The following TCF4 variants were observed in gnomAD, a reference collection of about 807,000 sequenced individuals.
The protein encoded by TCF4 is SL3-3 enhancer factor 2.
TCF4 carries 3 observed loss-of-function variants against 82.1 expected under a neutral mutation model. The ratio of observed to expected loss-of-function variants is 0.04; its 90% CI spans 0.02 to 0.09. The LOEUF (loss-of-function observed/expected upper bound fraction) is 0.09. Among genes scored for constraint, TCF4 ranks in the 10% least tolerant of loss-of-function variants. The pLI is 1.00. For synonymous variants in TCF4, 276 were observed against 309.6 expected (o/e 0.89, Z 1.14); for missense variants, 518 against 852.7 (o/e 0.61, Z 4.89).
At chr18:55,480,905 A>G (rs148421571) in intron 3 of TCF4, among the ~76,000 whole-genome samples, 5,171 of 152,136 alleles carry the variant, frequency 0.034, 115 homozygotes, top group Non-Finnish European at 0.052. Context: ...GGAGTTTGAG[A>G]CCAGCCTAGG....
chr18:55,491,635 C>T (rs560234648), intron 3 of TCF4, among the ~76,000 whole-genome samples: 7 of 152,140 alleles, frequency 4.6e-5, no homozygotes, highest in Non-Finnish European at 7.3e-5. Context: ...TTTTCACATA[C>T]CGCGCTCACA....
chr18:55,502,209 T>G (rs551761351), intron 3 of TCF4, among the ~76,000 whole-genome samples: 26 of 152,314 alleles, frequency 1.7e-4, no homozygotes, highest in Admixed American at 1.2e-3. Context: ...TGTGGTCATT[T>G]TTCTTCATTA....
upstream of TCF4, chr18:55,588,602 G>A (rs1603624961): frequency 6.6e-7 from 1 of 1,506,726 alleles, no homozygotes; most frequent in Non-Finnish European, 8.9e-7. Flanking sequence ...TCTTACTCTC[G>A]TTCCCTCTCA....
intron 4 of TCF4, among the ~76,000 whole-genome samples, chr18:55,462,897 G>A (rs1256826627): frequency 6.6e-6 from 1 of 152,182 alleles, no homozygotes; most frequent in East Asian, 1.9e-4. Context: ...TAGAGATCCT[G>A]CTGTACCCTG....
At chr18:55,632,207 T>G (rs914871265) in intron 1 of TCF4, among the ~76,000 whole-genome samples, 1 of 152,042 alleles carries the variant, frequency 6.6e-6, no homozygotes, top group Non-Finnish European at 1.5e-5. Flanking sequence ...TCCTGCTAAT[T>G]TTTTGTATTT....
At chr18:55,514,457 C>A (rs1159012548) in intron 3 of TCF4, among the ~76,000 whole-genome samples, 1 of 150,810 alleles carries the variant, frequency 6.6e-6, no homozygotes, top group Non-Finnish European at 1.5e-5. Context: ...CCCAATCATA[C>A]CTACCACCAT....
intron 2 of TCF4, among the ~76,000 whole-genome samples, chr18:55,611,764 TTTTA>T (rs776042753): frequency 7.6e-4 from 115 of 152,198 alleles, no homozygotes; most frequent in Middle Eastern, 6.8e-3. Context: ...GTAAAAATAT[TTTTA>T]TTTATTTATT....
intron 8 of TCF4, among the ~76,000 whole-genome samples, chr18:55,324,395 G>A (rs915156733): frequency 2.0e-5 from 3 of 152,154 alleles, no homozygotes; most frequent in East Asian, 3.8e-4. Context: ...ACATTTCTGC[G>A]ATCTCAGCCT....
At chr18:55,263,373 TA>T (rs1176601148) in intron 11 of TCF4, among the ~76,000 whole-genome samples, 2 of 152,112 alleles carry the variant, frequency 1.3e-5, no homozygotes, top group African/African-American at 4.8e-5. Context: ...TCAAGAGTAT[TA>T]AAAATATTTA....
intron 6 of TCF4, among the ~76,000 whole-genome samples, chr18:55,382,489 G>GA (rs1329006060): frequency 4.0e-5 from 6 of 151,558 alleles, no homozygotes; most frequent in South Asian, 2.1e-4. Flanking sequence ...GTTGAAATGT[G>GA]AAAAAAAAGT....
chr18:55,324,651 T>G (rs573872407), intron 8 of TCF4, among the ~76,000 whole-genome samples: 1 of 152,232 alleles, frequency 6.6e-6, no homozygotes, highest in East Asian at 1.9e-4. Context: ...TTGCCAGCAG[T>G]AGGTAACTTG....
At chr18:55,252,380 G>GTA (rs980808364) in intron 15 of TCF4, among the ~76,000 whole-genome samples, 3 of 149,452 alleles carry the variant, frequency 2.0e-5, no homozygotes, top group South Asian at 2.1e-4. Flanking sequence ...GTGTGTGTGT[G>GTA]TATATCAAGA....
intron 8 of TCF4, 38 bp from the exon 9 acceptor site, chr18:55,279,694 T>G: frequency 1.2e-6 from 2 of 1,613,428 alleles, no homozygotes; most frequent in Non-Finnish European, 1.7e-6. Context: ...GCTTTTTGCA[T>G]TGACCACAGC....
intron 3 of TCF4, among the ~76,000 whole-genome samples, chr18:55,467,572 CCT>C (rs1363725706): frequency 6.6e-6 from 1 of 152,124 alleles, no homozygotes; most frequent in Non-Finnish European, 1.5e-5. Context: ...CCAACAGCAG[CCT>C]CTCTCACTCC....
At position 55,333,310 on chromosome 18, in the gene TCF4, T is replaced by C. The variant is rs368738578; in HGVS notation, c.549+17049A>G. Among the ~76,000 whole-genome samples, 7 of 152,244 alleles carry C rather than the reference T, an allele frequency of 4.6e-5. No homozygotes were observed. In the East Asian group the frequency reaches 1.4e-3, roughly 29 times the overall value. On this transcript the variant is annotated intron_variant, in intron 8 of 19. Coordinates refer to ENST00000354452, the MANE Select transcript of TCF4 (RefSeq NM_001083962.2). ...GTTGTCTGTAAAGATGCAAATATCA[T>C]TTCTTATTCTCCTTATATTCCTTTC...
At chr18:55,307,608 G>C (rs997366802) in intron 8 of TCF4, among the ~76,000 whole-genome samples, 2 of 152,192 alleles carry the variant, frequency 1.3e-5, no homozygotes, top group Admixed American at 6.5e-5. Flanking sequence ...TTTGTGAAAT[G>C]CAATAGTTAG....
upstream of TCF4, among the ~76,000 whole-genome samples, chr18:55,590,015 A>C (rs1209654634): frequency 6.6e-6 from 1 of 152,152 alleles, no homozygotes; most frequent in Non-Finnish European, 1.5e-5. Context: ...GGAGTTCCCG[A>C]GGCCGAGGTC....
chr18:55,326,816 T>C (rs550850365), intron 8 of TCF4, among the ~76,000 whole-genome samples: 2 of 152,324 alleles, frequency 1.3e-5, no homozygotes, highest in East Asian at 3.9e-4. Flanking sequence ...AAGGCTGATG[T>C]TTAGTTAGTA....
upstream of TCF4, among the ~76,000 whole-genome samples, chr18:55,591,575 T>C (rs1416500261): frequency 6.6e-6 from 1 of 152,240 alleles, no homozygotes; most frequent in East Asian, 1.9e-4. Flanking sequence ...TGGAGTGCAA[T>C]GGCACGATCT....
Sources: gnomAD v4.1 joint callset for allele counts (sites outside exome capture counted in the v4.1 genomes callset) on GRCh38, gnomAD v4.1.1 for gene constraint, MANE v1.5 for transcripts, NCBI Gene and HGNC (gene_info 2026-07-23, HGNC 2026-07-21) for gene names.